The following RUVBL1 variants were observed in gnomAD, a reference collection of about 807,000 sequenced individuals.
The protein encoded by RUVBL1 is ruvB-like 1.
Under a neutral mutation model 52.4 loss-of-function variants are expected in RUVBL1, and 4 were observed. That is an observed-to-expected ratio of 0.08 (90% CI 0.04 to 0.17). RUVBL1 has a LOEUF of 0.17. Ranked by LOEUF, RUVBL1 falls within the 10% of genes least tolerant of loss-of-function variation. The pLI is 1.00. For missense variants in RUVBL1, 298 were observed against 572.8 expected, an observed-to-expected ratio of 0.52 and a Z score of 4.90; for synonymous variants, 217 against 214.4, an observed-to-expected ratio of 1.01 and a Z score of -0.10.
Position 128,081,301 on chromosome 3 carries a change from G to A in RUVBL1, c.1320C>T (p.Ala440=). 6.2e-7 allele frequency: 1 copy of A among 1,614,176 alleles called. No individual in the cohort carries two copies. The highest frequency in any genetic ancestry group is 8.5e-7 in the Non-Finnish European group (1 of 1,180,016). The change falls in exon 11 of 11, where the codon GCC becomes GCT. Residue 440 remains alanine (A), a synonymous_variant. Coordinates refer to ENST00000322623, the MANE Select transcript of RUVBL1 (RefSeq NM_003707.3). This position sits in a 1 kb window ranked among gnomAD's most constrained non-coding sequence, Gnocchi z 4.8. ...VEEISELFYD[A]KSSAKILADQ... Reference sequence around the variant, plus strand: ...CAGCCAGGATTTTGGCGGAGGACTTGGCATCATAGAAAAGTTCACTGATCT... The same window carrying A: ...CAGCCAGGATTTTGGCGGAGGACTTAGCATCATAGAAAAGTTCACTGATCT...
chr3:128,110,078 A>G (rs1270098012), intron 3 of RUVBL1, among the ~76,000 whole-genome samples: 1 of 151,988 alleles, frequency 6.6e-6, no homozygotes, highest in African/African-American at 2.4e-5. Flanking sequence ...CGGCCTCCCA[A>G]AGTGCTGGGA....
intron 9 of RUVBL1, among the ~76,000 whole-genome samples, chr3:128,086,591 CA>C (rs1447203926): frequency 6.6e-6 from 1 of 152,210 alleles, no homozygotes; most frequent in Admixed American, 6.5e-5. Context: ...GCCTCGGAGA[CA>C]CCAATTCAGG....
At chr3:128,079,926 A>C (rs745365783), downstream of RUVBL1, among the ~76,000 whole-genome samples, 1 of 152,360 alleles carries the variant, frequency 6.6e-6, no homozygotes, top group East Asian at 1.9e-4. Context: ...ACGGAGATCC[A>C]GTCTGAACTA....
intron 8 of RUVBL1, among the ~76,000 whole-genome samples, chr3:128,093,197 A>G (rs886795969): frequency 6.6e-6 from 1 of 152,244 alleles, no homozygotes; most frequent in African/African-American, 2.4e-5. Context: ...AGTACTACGC[A>G]TGCTACAGCA....
At chr3:128,153,699 G>A in exon 1 of RUVBL1, 1 of 1,589,022 alleles carries the variant, frequency 6.3e-7, no homozygotes, top group Non-Finnish European at 8.5e-7. Context: ...CCGCGCGCCT[G>A]CGGTCGTCTT....
At chr3:128,111,393 C>T (rs569712084) in intron 3 of RUVBL1, among the ~76,000 whole-genome samples, 2 of 152,278 alleles carry the variant, frequency 1.3e-5, no homozygotes, top group South Asian at 2.1e-4. Flanking sequence ...CCAACCTGCT[C>T]CCTCCCATTC....
At chr3:128,076,773 G>A (rs572678205), downstream of RUVBL1, among the ~76,000 whole-genome samples, 1 of 152,038 alleles carries the variant, frequency 6.6e-6, no homozygotes, top group African/African-American at 2.4e-5. The surrounding 1 kb of genome is among the most constrained non-coding windows in gnomAD (Gnocchi z 6.8). Flanking sequence ...CCCGCATCCC[G>A]CCGTGTCCCC....
chr3:128,150,633 TATTCTATAC>T (rs776967783), intron 1 of RUVBL1, among the ~76,000 whole-genome samples: 13,956 of 135,126 alleles, frequency 0.1, 923 homozygotes, highest in South Asian at 0.16. Flanking sequence ...TCTATGTATA[TATTCTATAC>T]ATATATTCTA....
chr3:128,095,396 G>GC (rs1271722191), intron 8 of RUVBL1, among the ~76,000 whole-genome samples: 1 of 152,268 alleles, frequency 6.6e-6, no homozygotes, highest in Admixed American at 6.5e-5. Context: ...CCAAGGCTAA[G>GC]CAAGTCCAGA....
At chr3:128,148,059 CAG>C (rs1944129801) in intron 1 of RUVBL1, among the ~76,000 whole-genome samples, 1 of 151,874 alleles carries the variant, frequency 6.6e-6, no homozygotes. Context: ...CCTGTAGAGA[CAG>C]AGAACATAGA....
chr3:128,082,534 C>G lies in RUVBL1; in HGVS notation c.1160G>C (p.Ser387Thr). 2 of 1,614,030 alleles carry G rather than the reference C, an allele frequency of 1.2e-6. No homozygotes were observed. The highest frequency in any genetic ancestry group is 1.7e-6 in the Non-Finnish European group (2 of 1,179,946). Residue 387 changes from serine to threonine, a missense_variant, in exon 10 of 11, where the codon AGT becomes ACT. Transcript: ENST00000322623. The surrounding 1 kb of genome is among the most constrained non-coding windows in gnomAD (Gnocchi z 4.7). ...IRAQTEGINI[S>T]EEALNHLGEI... ...CCCCAGGTGGTTCAGTGCCTCCTCA[C>G]TGATGTTGATTCCTTCCGTCTGGGC...
intron 2 of RUVBL1, among the ~76,000 whole-genome samples, chr3:128,118,865 A>T (rs1943582734): frequency 6.6e-6 from 1 of 152,194 alleles, no homozygotes; most frequent in Non-Finnish European, 1.5e-5. Context: ...AGAGACTGTA[A>T]GCCCCTTGAA....
intron 1 of RUVBL1, among the ~76,000 whole-genome samples, chr3:128,135,801 A>G (rs566584561): frequency 6.6e-6 from 1 of 152,362 alleles, no homozygotes; most frequent in Non-Finnish European, 1.5e-5. Context: ...AGACAACCAC[A>G]GAGTAGTGTA....
Position 128,094,874 on chromosome 3 carries a change from T to G in RUVBL1, c.1016+2426A>C, listed in dbSNP as rs558783629. ...TCAGATGGCTATTATTGTTGGCTAT[T>G]ACTTTTTTCATTACCATGTTGACAT... On this transcript the variant is annotated intron_variant, in intron 8 of 10. Coordinates refer to ENST00000322623, the MANE Select transcript of RUVBL1 (RefSeq NM_003707.3). 4.6e-5 allele frequency among the ~76,000 whole-genome samples: 7 copies of G among 152,346 alleles called. No individual in the cohort carries two copies. The East Asian group carries it at 1.2e-3, about 25-fold the overall frequency.
chr3:128,144,731 T>C (rs1944077766), intron 1 of RUVBL1, among the ~76,000 whole-genome samples: 1 of 152,192 alleles, frequency 6.6e-6, no homozygotes, highest in African/African-American at 2.4e-5. Context: ...CAAACTCAGC[T>C]TAGTGGGAGG....
In RUVBL1 at chr3:128,119,433, A is replaced by T; in HGVS notation, c.142-19T>A. The T allele has an allele frequency of 6.3e-7, 1 of 1,586,000 alleles. No individual in the cohort carries two copies. The highest frequency in any genetic ancestry group is 8.6e-7 in the Non-Finnish European group (1 of 1,157,982). ...CACATGCCTACACACCACAATGGAAAGAAATAATAAATCAATATTAAAATG... is the reference window on the plus strand; with the variant it reads ...CACATGCCTACACACCACAATGGAATGAAATAATAAATCAATATTAAAATG... On this transcript the variant is annotated intron_variant, in intron 1 of 10. Coordinates refer to ENST00000322623, the MANE Select transcript of RUVBL1 (RefSeq NM_003707.3).
At chr3:128,150,943 T>TTA (rs1303513429) in intron 1 of RUVBL1, among the ~76,000 whole-genome samples, 1 of 88,160 alleles carries the variant, frequency 1.1e-5, no homozygotes, top group Non-Finnish European at 2.0e-5. Flanking sequence ...ATTCTATATA[T>TTA]TATATATATT....
chr3:128,151,131 C>A (rs1944203143), intron 1 of RUVBL1, among the ~76,000 whole-genome samples: 1 of 119,854 alleles, frequency 8.3e-6, no homozygotes, highest in African/African-American at 3.2e-5. Flanking sequence ...TATATATATT[C>A]TATATATATT....
At chr3:128,104,400 G>A (rs1197702118) in intron 4 of RUVBL1, among the ~76,000 whole-genome samples, 4 of 152,160 alleles carry the variant, frequency 2.6e-5, no homozygotes, top group South Asian at 2.1e-4. Flanking sequence ...TTCTTTCTAT[G>A]AGCATGGGCA....
Sources: allele counts gnomAD v4.1 joint callset (sites outside exome capture counted in the v4.1 genomes callset), GRCh38; gene constraint gnomAD v4.1.1; non-coding constraint Gnocchi (gnomAD v3.1); transcripts MANE v1.5; gene names NCBI Gene and HGNC (gene_info 2026-07-23, HGNC 2026-07-21).